LRRC8B: variants seen among roughly 807,000 people sequenced by gnomAD.
LRRC8B encodes volume-regulated anion channel subunit LRRC8B.
LRRC8B carries 23 observed loss-of-function variants against 58.8 expected under a neutral mutation model. The observed-to-expected ratio is 0.39, with a 90% CI of 0.28 to 0.55. The LOEUF (loss-of-function observed/expected upper bound fraction) is 0.55. Among genes scored for constraint, LRRC8B ranks in the 20% least tolerant of loss-of-function variants. The pLI, the probability that LRRC8B is intolerant of heterozygous loss-of-function variation, is 0.62. For missense variants in LRRC8B, 694 were observed against 936.0 expected (o/e 0.74, Z 3.37); for synonymous variants, 359 against 374.1 (o/e 0.96, Z 0.47).
At chr1:89,548,849 T>C (rs1056883274) in intron 1 of LRRC8B, among the ~76,000 whole-genome samples, 1 of 152,190 alleles carries the variant, frequency 6.6e-6, no homozygotes, top group East Asian at 1.9e-4. Flanking sequence ...ACCAATACCC[T>C]TCAGGGCTCT....
intron 1 of LRRC8B, among the ~76,000 whole-genome samples, chr1:89,529,744 A>T (rs571192096): frequency 2.0e-5 from 3 of 152,324 alleles, no homozygotes; most frequent in African/African-American, 7.2e-5. Flanking sequence ...AAAATAACAA[A>T]ATATGGAATG....
chr1:89,528,567 A>T (rs1216571529), intron 1 of LRRC8B, among the ~76,000 whole-genome samples: 1 of 152,212 alleles, frequency 6.6e-6, no homozygotes, highest in Non-Finnish European at 1.5e-5. Context: ...TGGATTAGTT[A>T]AAATTAGTTG....
chr1:89,533,565 C>T (rs1051886771), intron 1 of LRRC8B, among the ~76,000 whole-genome samples: 7 of 152,206 alleles, frequency 4.6e-5, no homozygotes, highest in African/African-American at 1.7e-4. Flanking sequence ...CCCTTCCTGA[C>T]ACCTTCTGTC....
intron 1 of LRRC8B, among the ~76,000 whole-genome samples, chr1:89,559,807 A>C (rs1652486154): frequency 1.3e-5 from 2 of 152,178 alleles, no homozygotes; most frequent in South Asian, 4.1e-4. Context: ...GCTTGGCTTG[A>C]TGACCTTTTC....
intron 1 of LRRC8B, among the ~76,000 whole-genome samples, chr1:89,544,306 T>C (rs558979728): frequency 6.6e-6 from 1 of 152,330 alleles, no homozygotes; most frequent in South Asian, 2.1e-4. Flanking sequence ...AAAAAAATTA[T>C]TTCTAAACAA....
rs546229205 is a variant in LRRC8B at position 89,592,663 on chromosome 1, T to C, written c.2140-108T>C. Reference sequence around the variant, plus strand: ...TCATCATTGTAGTCTGCATCACTTATAAACCTCCAGAAATGTTTTGTTTTT... The same window carrying C: ...TCATCATTGTAGTCTGCATCACTTACAAACCTCCAGAAATGTTTTGTTTTT... On this transcript the variant is annotated intron_variant, in intron 5 of 5. Transcript: ENST00000330947. 337 of 968,820 alleles carry C rather than the reference T, an allele frequency of 3.5e-4. 1 individual carries two copies. The highest frequency in any genetic ancestry group is 2.6e-3 in the Middle Eastern group (11 of 4,224). The allele number at this position is 968,820 out of a possible 1,614,324, so 60.0% of individuals were successfully genotyped here.
At chr1:89,555,293 C>T (rs535614066) in intron 1 of LRRC8B, among the ~76,000 whole-genome samples, 2 of 152,284 alleles carry the variant, frequency 1.3e-5, no homozygotes, top group South Asian at 4.1e-4. Context: ...GAGCTAAATT[C>T]GTCTTCTCTG....
At chr1:89,582,510 T>C in intron 4 of LRRC8B, 115 bp from the exon 5 acceptor site, 1 of 652,466 alleles carries the variant, frequency 1.5e-6, no homozygotes, top group Non-Finnish European at 2.6e-6. Flanking sequence ...CCTTTTAGGT[T>C]TTACCCCAGA....
intron 3 of LRRC8B, among the ~76,000 whole-genome samples, chr1:89,575,768 T>A (rs1053565101): frequency 5.3e-5 from 8 of 152,182 alleles, no homozygotes; most frequent in Non-Finnish European, 7.3e-5. Context: ...TACTATCATA[T>A]CATAGGATCA....
chr1:89,536,147 C>T (rs889882051), intron 1 of LRRC8B, among the ~76,000 whole-genome samples: 1 of 152,160 alleles, frequency 6.6e-6, no homozygotes, highest in East Asian at 1.9e-4. Context: ...ATTTGCCCAT[C>T]AATGCTAACA....
chr1:89,535,598 T>A (rs1294019928), intron 1 of LRRC8B, among the ~76,000 whole-genome samples: 1 of 152,218 alleles, frequency 6.6e-6, no homozygotes, highest in Admixed American at 6.5e-5. Context: ...GATACCAAAT[T>A]GATTTAATTA....
At chr1:89,558,826 GC>G (rs1276091573) in intron 1 of LRRC8B, 1 of 152,128 alleles carries the variant, frequency 6.6e-6, no homozygotes, top group Non-Finnish European at 1.5e-5. Context: ...ACCCCTTCAA[GC>G]CCTTTTATAA....
intron 1 of LRRC8B, among the ~76,000 whole-genome samples, chr1:89,544,595 T>TATA (rs1197349864): frequency 6.6e-6 from 1 of 150,686 alleles, no homozygotes; most frequent in Non-Finnish European, 1.5e-5. Flanking sequence ...TAAGAAACCT[T>TATA]ATAATAATAA....
intron 1 of LRRC8B, among the ~76,000 whole-genome samples, chr1:89,559,613 A>T (rs1030351060): frequency 1.4e-3 from 158 of 109,478 alleles, no homozygotes; most frequent in African/African-American, 4.2e-3. Context: ...CAAAAAAAAA[A>T]AAATATATAT....
chr1:89,583,112 C>T lies in LRRC8B; in HGVS notation c.462C>T (p.Ala154=). 6.2e-7 allele frequency: 1 copy of T among 1,614,150 alleles called. No homozygotes were observed. Among genetic ancestry groups the T allele is most frequent in the Non-Finnish European group, 8.5e-7 (1 of 1,180,034 alleles). The stretch of plus-strand genomic sequence containing the variant: ...GTTCCAGGCTCGAGCATTTTGTGGC[C>T]ATCCTTCACAAGTGCTTCGATTCTC... The part of the protein sequence containing the change: ...STSSRLEHFV[A]ILHKCFDSPW... The change falls in exon 5 of 6, where the codon GCC becomes GCT. Residue 154 remains alanine (A), a synonymous_variant. Coordinates refer to ENST00000330947, the MANE Select transcript of LRRC8B (RefSeq NM_001369817.2). This position sits in a 1 kb window ranked among gnomAD's most constrained non-coding sequence, Gnocchi z 5.2.
chr1:89,583,752 T>C lies in LRRC8B; in HGVS notation c.1102T>C (p.Phe368Leu). Residue 368 changes from phenylalanine to leucine, a missense_variant, in exon 5 of 6, where the codon TTC becomes CTC. Transcript: ENST00000330947. The surrounding 1 kb of genome is among the most constrained non-coding windows in gnomAD (Gnocchi z 5.2). ...CCCTGATGTCAAGAATGACTTTGCC[T>C]TCATCCTTCATCTGGCTGATCAGTA... is the stretch of plus-strand genomic sequence containing the variant. ...DIPDVKNDFA[F>L]ILHLADQYDP... 1 of 1,614,202 alleles carries C rather than the reference T, an allele frequency of 6.2e-7. No individual in the cohort carries two copies. The highest frequency in any genetic ancestry group is 1.1e-5 in the South Asian group (1 of 91,086).
At chr1:89,559,502 C>T (rs1463509884) in intron 1 of LRRC8B, among the ~76,000 whole-genome samples, 1 of 151,344 alleles carries the variant, frequency 6.6e-6, no homozygotes, top group Non-Finnish European at 1.5e-5. Flanking sequence ...GGTATGGTGG[C>T]GTGTGCCTGT....
intron 1 of LRRC8B, among the ~76,000 whole-genome samples, chr1:89,525,501 A>G (rs1019482203): frequency 2.6e-5 from 4 of 152,140 alleles, no homozygotes; most frequent in Non-Finnish European, 5.9e-5. Context: ...GAACTATTTT[A>G]TGCTCTTGGG....
intron 1 of LRRC8B, among the ~76,000 whole-genome samples, chr1:89,542,294 G>A (rs935843027): frequency 6.6e-6 from 1 of 152,154 alleles, no homozygotes; most frequent in African/African-American, 2.4e-5. Flanking sequence ...AGTCTTCAAG[G>A]TGGTTCCTCT....
Sources: allele counts gnomAD v4.1 joint callset (sites outside exome capture counted in the v4.1 genomes callset), GRCh38; gene constraint gnomAD v4.1.1; non-coding constraint Gnocchi (gnomAD v3.1); transcripts MANE v1.5; gene names NCBI Gene and HGNC (gene_info 2026-07-23, HGNC 2026-07-21).